The following OAS2 variants were observed in gnomAD, a reference collection of about 807,000 sequenced individuals.
The protein encoded by OAS2 is 2'-5'-oligoadenylate synthetase 2.
Under a neutral mutation model 71.3 loss-of-function variants are expected in OAS2, and 67 were observed. The ratio of observed to expected loss-of-function variants is 0.94; its 90% CI spans 0.77 to 1.15. The LOEUF is 1.15. Among genes scored for constraint, OAS2 ranks in the 50% most tolerant of loss-of-function variants. The pLI is 0.00. For missense variants in OAS2, 789 were observed against 822.5 expected (o/e 0.96, Z 0.50); for synonymous variants, 327 against 321.8 (o/e 1.02, Z -0.17).
intron 2 of OAS2, chr12:112,988,429 T>A: frequency 3.3e-6 from 1 of 307,612 alleles, no homozygotes; most frequent in Non-Finnish European, 4.8e-6. Context: ...AGACTGGTTA[T>A]AGCTCAGCAT....
chr12:113,005,101 G>T lies in OAS2; in HGVS notation c.1347G>T (p.Glu449Asp). 6.2e-7 allele frequency: 1 copy of T among 1,614,156 alleles called. No homozygotes were observed. The highest frequency in any genetic ancestry group is 1.7e-4 in the Middle Eastern group (1 of 6,060). ...LKAFWREKEEELEVSFEPPKW... is the reference protein window; with the variant it reads ...LKAFWREKEEDLEVSFEPPKW... ...CCTTTTGGAGGGAGAAGGAGGAGGAGCTTGAAGTCAGCTTTGAGCCTCCCA... is the reference window on the plus strand; with the variant it reads ...CCTTTTGGAGGGAGAAGGAGGAGGATCTTGAAGTCAGCTTTGAGCCTCCCA... Residue 449 changes from glutamate to aspartate, a missense_variant, in exon 7 of 10, where the codon GAG becomes GAT. Transcript: ENST00000392583.
rs973434573 is a variant in OAS2, at chr12:112,979,549, G to A, written c.177+764G>A. On this transcript the variant is annotated intron_variant, in intron 1 of 9. Coordinates refer to ENST00000392583, the MANE Select transcript of OAS2 (RefSeq NM_002535.3). ...TTGGTTAATAGCTATTGTCAGAACT[G>A]GGATTTTAAGCCTGGGTAATTGGCT... Among the ~76,000 whole-genome samples, 68 of 152,278 alleles carry A rather than the reference G, an allele frequency of 4.5e-4. 1 individual carries two copies. The highest frequency in any genetic ancestry group is 1.5e-3 in the African/African-American group (64 of 41,562).
rs886636685 is a variant in OAS2, at chr12:113,009,558, C to G, written c.*303C>G. ...CAAACGTTCCCCTGGGTTCACAGAT[C>G]TTTCTGCCTTTGGCTTTTGGCTCCA... On this transcript the variant is annotated 3_prime_UTR_variant, in exon 10 of 10. Coordinates refer to ENST00000392583, the MANE Select transcript of OAS2 (RefSeq NM_002535.3). 18 of 1,071,446 alleles carry G rather than the reference C, an allele frequency of 1.7e-5. No individual in the cohort carries two copies. In the Admixed American group the frequency reaches 9.1e-4, roughly 54 times the overall value. The allele number at this position is 1,071,446 out of a possible 1,614,324, so 66.4% of individuals were successfully genotyped here. A position where few individuals can be genotyped will look rare whatever the true frequency, so the allele number is the denominator to read the frequency against.
At chr12:113,008,161 C>T (rs1275411635) in intron 9 of OAS2, among the ~76,000 whole-genome samples, 3 of 152,174 alleles carry the variant, frequency 2.0e-5, no homozygotes, top group African/African-American at 7.2e-5. Flanking sequence ...CAAGATACCA[C>T]GTCCCTGAGC....
In OAS2 at chr12:112,978,607, CAATGGGA is replaced by C. The variant is rs758741088; in HGVS notation, c.6_12del (p.Asn3_?4). 6.2e-7 allele frequency: 1 copy of C among 1,613,710 alleles called. No homozygotes were observed. Among genetic ancestry groups the C allele is most frequent in the African/African-American group, 1.3e-5 (1 of 74,886 alleles). ...TGTCTTGCCGGCAGCCAGCTGAGAG[CAATGGGA>C]AATGGGGAGTCCCAGCTGTCCTCGG... On this transcript the variant is annotated start_lost and 5_prime_UTR_variant, in exon 1 of 10. Transcript: ENST00000392583. The surrounding 1 kb of genome is among the most constrained non-coding windows in gnomAD (Gnocchi z 4.2).
chr12:112,993,484 C>G (rs1168679097), intron 2 of OAS2, among the ~76,000 whole-genome samples: 1 of 152,206 alleles, frequency 6.6e-6, no homozygotes, highest in East Asian at 1.9e-4. Flanking sequence ...CCGTCAACCT[C>G]CCTGCATGCC....
intron 1 of OAS2, among the ~76,000 whole-genome samples, chr12:112,985,312 A>G (rs568134386): frequency 2.4e-4 from 37 of 152,298 alleles, no homozygotes; most frequent in Non-Finnish European, 4.7e-4. Flanking sequence ...ATGATTACCA[A>G]TATGGCACAT....
At chr12:112,983,753 G>T (rs893763086) in intron 1 of OAS2, among the ~76,000 whole-genome samples, 6 of 151,974 alleles carry the variant, frequency 3.9e-5, no homozygotes, top group Non-Finnish European at 7.4e-5. Context: ...TCACGTATTT[G>T]TACAATTTCC....
chr12:113,005,939 A>C lies in OAS2; in HGVS notation c.1469-474A>C, dbSNP rs866485899. Reference sequence around the variant, plus strand: ...ACAACAAAAAAAAAAAAAAAAAAAAAAAAAAAAAAAAACAAGAAGCAGCGC... The same window carrying C: ...ACAACAAAAAAAAAAAAAAAAAAAACAAAAAAAAAAAACAAGAAGCAGCGC... On this transcript the variant is annotated intron_variant, in intron 7 of 9. Coordinates refer to ENST00000392583, the MANE Select transcript of OAS2 (RefSeq NM_002535.3). Among the ~76,000 whole-genome samples the C allele has an allele frequency of 9.4e-3, 1,401 of 148,522 alleles. 31 individuals are homozygous for C. Among genetic ancestry groups the C allele is most frequent in the East Asian group, 0.028 (141 of 5,116 alleles).
chr12:112,996,362 T>C (rs1435700487), intron 3 of OAS2, among the ~76,000 whole-genome samples: 1 of 152,216 alleles, frequency 6.6e-6, no homozygotes, highest in African/African-American at 2.4e-5. Context: ...CATATATGAA[T>C]GTTGTGTACA....
rs1460016290 is a variant in OAS2 at position 113,004,940 on chromosome 12, T to A, written c.1186T>A (p.Ser396Thr). 1.2e-6 allele frequency: 2 copies of A among 1,613,590 alleles called. No individual in the cohort carries two copies. The highest frequency in any genetic ancestry group is 2.7e-5 in the African/African-American group (2 of 74,844). Reference protein sequence around the residue: ...TAKIQIVRGGSTAKGTALKTG... With the variant: ...TAKIQIVRGGTTAKGTALKTG... ...ACCTTCCTTTCTTCCTTAGGGAGGA[T>A]CAACCGCCAAAGGCACAGCTCTGAA... is the stretch of plus-strand genomic sequence containing the variant. Residue 396 changes from serine to threonine, a missense_variant, in exon 7 of 10, where the codon TCA becomes ACA. Transcript: ENST00000392583.
chr12:112,987,143 C>T lies in OAS2; in HGVS notation c.283C>T (p.Arg95Cys), dbSNP rs371487128. 35 of 1,614,050 alleles carry T rather than the reference C, an allele frequency of 2.2e-5. No homozygotes were observed. Among genetic ancestry groups the T allele is most frequent in the Middle Eastern group, 3.3e-4 (2 of 6,084 alleles). ...ATTCCAGGATCAGAAGAGAAGCCAA[C>T]GTGACATCCTCGATAAAACTGGGGA... ...KQFQDQKRSQRDILDKTGDKL... is the reference protein window; with the variant it reads ...KQFQDQKRSQCDILDKTGDKL... Residue 95 changes from arginine (R) to cysteine (C), a missense_variant, in exon 2 of 10, where the codon CGT becomes TGT. Physicochemically the swap from Arg to Cys is radical, Grantham distance 180. Coordinates refer to ENST00000392583, the MANE Select transcript of OAS2 (RefSeq NM_002535.3).
Position 113,009,856 on chromosome 12 carries a change from C to T in OAS2, c.*601C>T. On this transcript the variant is annotated 3_prime_UTR_variant, in exon 10 of 10. Transcript: ENST00000392583. The stretch of plus-strand genomic sequence containing the variant: ...GATGTCTGCCACACCTCTCCAAAGC[C>T]CTCCCTACCTACCAAGATATACCTG... The T allele has an allele frequency of 2.0e-6, 2 of 986,648 alleles. No individual in the cohort carries two copies. Among genetic ancestry groups the T allele is most frequent in the South Asian group, 4.7e-5 (1 of 21,310 alleles). The allele number at this position is 986,648 out of a possible 1,614,324, so 61.1% of individuals were successfully genotyped here. A position where few individuals can be genotyped will look rare whatever the true frequency, so the allele number is the denominator to read the frequency against.
intron 6 of OAS2, 104 bp from the exon 7 acceptor site, chr12:113,004,830 G>T: frequency 1.8e-6 from 2 of 1,123,768 alleles, no homozygotes; most frequent in Non-Finnish European, 2.6e-6. Context: ...CGCAGAACTT[G>T]GCCTTGGAAA....
chr12:112,992,709 C>T (rs900185987), intron 2 of OAS2, among the ~76,000 whole-genome samples: 3 of 152,086 alleles, frequency 2.0e-5, no homozygotes, highest in Non-Finnish European at 4.4e-5. Context: ...GGGAGGTTGG[C>T]AGTTCTGAGT....
At chr12:112,993,434 G>C (rs954761384) in intron 2 of OAS2, among the ~76,000 whole-genome samples, 8 of 152,282 alleles carry the variant, frequency 5.3e-5, no homozygotes, top group Non-Finnish European at 8.8e-5. Flanking sequence ...ATAAACGTTA[G>C]CTATTTATTA....
At chr12:112,989,080 G>T (rs1353479255) in intron 2 of OAS2, among the ~76,000 whole-genome samples, 1 of 152,190 alleles carries the variant, frequency 6.6e-6, no homozygotes, top group Non-Finnish European at 1.5e-5. Flanking sequence ...ATCTCATCTT[G>T]AATTGTAGCT....
At chr12:113,006,369 A>G (rs763794033) in intron 7 of OAS2, 44 bp from the exon 8 acceptor site, 6 of 1,430,470 alleles carry the variant, frequency 4.2e-6, no homozygotes, top group Non-Finnish European at 4.7e-6. Context: ...TCTGTTACTT[A>G]CTATGTGTAT....
intron 2 of OAS2, chr12:112,988,910 A>C: frequency 5.6e-6 from 1 of 179,372 alleles, no homozygotes; most frequent in Non-Finnish European, 1.1e-5. Context: ...TGTAAACCAA[A>C]AGTATCTGAG....
Sources: allele counts gnomAD v4.1 joint callset (sites outside exome capture counted in the v4.1 genomes callset), GRCh38; gene constraint gnomAD v4.1.1; non-coding constraint Gnocchi (gnomAD v3.1); transcripts MANE v1.5; gene names NCBI Gene and HGNC (gene_info 2026-07-23, HGNC 2026-07-21).